The following HGS variants were observed in gnomAD, a reference collection of about 807,000 sequenced individuals.
HGS encodes hepatocyte growth factor-regulated tyrosine kinase substrate.
In HGS, 63 loss-of-function variants were observed where a neutral mutation model predicts 109.7. That is an observed-to-expected ratio of 0.57 (90% CI 0.47 to 0.71). The LOEUF is 0.71. Ranked by LOEUF, HGS falls within the 30% of genes least tolerant of loss-of-function variation. The pLI, the probability that HGS is intolerant of heterozygous loss-of-function variation, is 0.00. For synonymous variants in HGS, 546 were observed against 437.3 expected (o/e 1.25, Z -3.10); for missense variants, 995 against 1,068.3 (o/e 0.93, Z 0.96).
At chr17:81,693,472 T>TG in intron 8 of HGS, 31 bp from the exon 9 acceptor site, 1 of 1,570,696 alleles carries the variant, frequency 6.4e-7, no homozygotes, top group Non-Finnish European at 8.8e-7. Flanking sequence ...TGTCAGCGCA[T>TG]GGTGACCTGC....
intron 1 of HGS, 47 bp downstream of exon 1, chr17:81,684,150 T>C (rs2036930310): frequency 1.4e-6 from 2 of 1,380,298 alleles, no homozygotes; most frequent in Non-Finnish European, 1.9e-6. Context: ...GCCCGCAGCC[T>C]CCGCCCGGCG....
chr17:81,684,833 G>A, intron 1 of HGS: 5 of 912,246 alleles, frequency 5.5e-6, no homozygotes, highest in Non-Finnish European at 5.2e-6. Context: ...GAGACTTCAA[G>A]TGAGACACCT....
At chr17:81,684,138 C>T (rs758581228) in intron 1 of HGS, 35 bp downstream of exon 1, 2 of 1,497,092 alleles carry the variant, frequency 1.3e-6, no homozygotes, top group South Asian at 1.3e-5. Flanking sequence ...CGGCCTTGGT[C>T]AGCCCGCAGC....
Position 81,702,035 on chromosome 17 carries a change from T to C in HGS, c.*417T>C, listed in dbSNP as rs1036388721. 1.7e-5 allele frequency: 3 copies of C among 171,880 alleles called. No homozygotes were observed. The highest frequency in any genetic ancestry group is 3.7e-5 in the Non-Finnish European group (3 of 81,476). 10.6% of individuals were successfully genotyped at this position (171,880 alleles called of 1,614,324 possible). On this transcript the variant is annotated 3_prime_UTR_variant, in exon 22 of 22. Transcript: ENST00000329138. ...GGCAGCCACAGCCAAGGGTGGAGGC[T>C]TCAGGTCTCCAGCTTCTCTGCTTCT...
intron 5 of HGS, among the ~76,000 whole-genome samples, chr17:81,689,344 C>G (rs961583941): frequency 1.1e-4 from 17 of 152,210 alleles, no homozygotes; most frequent in Non-Finnish European, 2.2e-4. Flanking sequence ...TTGCTGTCAG[C>G]GCAGCAGGAG....
rs1192204931 is a variant in HGS at position 81,696,703 on chromosome 17, C to T, written c.1663C>T (p.Gln555Ter). 1 of 1,610,548 alleles carries T rather than the reference C, an allele frequency of 6.2e-7. No individual in the cohort carries two copies. The highest frequency in any genetic ancestry group is 1.3e-5 in the African/African-American group (1 of 74,922). The change falls in exon 17 of 22, where the codon CAG becomes TAG. Residue 555 changes from glutamine (Q) to a stop codon, truncating the protein, a stop_gained. Coordinates refer to ENST00000329138, the MANE Select transcript of HGS (RefSeq NM_004712.5). LOFTEE classifies it high-confidence loss of function. The stretch of plus-strand genomic sequence containing the variant: ...GCTGGAGCAGCAGAAGCAGACGGTC[C>T]AGATGCGCGCGCAGATGCCCGCCTT... ...MRLEQQKQTV[Q>*]MRAQMPAFPL...
intron 2 of HGS, 131 bp downstream of exon 2, chr17:81,685,820 A>G: frequency 4.9e-6 from 3 of 611,342 alleles, no homozygotes; most frequent in Non-Finnish European, 5.6e-6. Flanking sequence ...TGCATGGGCT[A>G]CATGCTAGGA....
chr17:81,684,303 G>A (rs930307877), intron 1 of HGS, 200 bp downstream of exon 1: 3 of 407,136 alleles, frequency 7.4e-6, no homozygotes, highest in Admixed American at 4.6e-5. Flanking sequence ...GTCGGGCGTT[G>A]GCAAATGGGG....
chr17:81,684,607 T>G (rs1265988670), intron 1 of HGS, among the ~76,000 whole-genome samples: 1 of 152,162 alleles, frequency 6.6e-6, no homozygotes, highest in African/African-American at 2.4e-5. Context: ...CTTCGGGAAG[T>G]GCCTAATGGT....
chr17:81,701,833 A>C lies in HGS; in HGVS notation c.*215A>C, dbSNP rs974582363. 1.1e-5 allele frequency: 7 copies of C among 634,748 alleles called. No homozygotes were observed. Among genetic ancestry groups the C allele is most frequent in the Non-Finnish European group, 1.7e-5 (7 of 409,058 alleles). The allele number at this position is 634,748 out of a possible 1,614,324, so 39.3% of individuals were successfully genotyped here. A position where few individuals can be genotyped will look rare whatever the true frequency, so the allele number is the denominator to read the frequency against. Reference sequence around the variant, plus strand: ...TGCTTTCTTTCCCCAGGGCTGGGCCATGGGGAGGGAAGGACTTTCTCCCAG... The same window carrying C: ...TGCTTTCTTTCCCCAGGGCTGGGCCCTGGGGAGGGAAGGACTTTCTCCCAG... On this transcript the variant is annotated 3_prime_UTR_variant, in exon 22 of 22. Coordinates refer to ENST00000329138, the MANE Select transcript of HGS (RefSeq NM_004712.5).
chr17:81,696,445 G>T lies in HGS; in HGVS notation c.1482G>T (p.Lys494Asn). ...CCCTGCGCGAAGAGCACCGGGAGAA[G>T]CTTCGCCGGGCAGCCGAGGAGGCAG... is the stretch of plus-strand genomic sequence containing the variant. ...LSALREEHRE[K>N]LRRAAEEAER... The change falls in exon 16 of 22, where the codon AAG (lysine) becomes AAT (asparagine). Residue 494 changes from lysine (K) to asparagine (N), a missense_variant. By Grantham distance (94) the Lys-to-Asn change is moderately conservative. Around this residue, in one of 6 missense-constraint regions of HGS, gnomAD observed 163 missense variants for 217.8 expected, o/e 0.75. Coordinates refer to ENST00000329138, the MANE Select transcript of HGS (RefSeq NM_004712.5). The T allele has an allele frequency of 6.4e-7, 1 of 1,551,692 alleles. No individual in the cohort carries two copies. The highest frequency in any genetic ancestry group is 8.7e-7 in the Non-Finnish European group (1 of 1,151,452).
At chr17:81,696,168 C>A (rs1369586102) in intron 15 of HGS, 169 bp downstream of exon 15, 4 of 437,652 alleles carry the variant, frequency 9.1e-6, no homozygotes, top group Non-Finnish European at 1.1e-5. Flanking sequence ...TGACCATGCC[C>A]TGCCCTGCCC....
At chr17:81,692,764 C>G (rs1409109951) in intron 8 of HGS, 1 of 152,066 alleles carries the variant, frequency 6.6e-6, no homozygotes, top group Non-Finnish European at 1.5e-5. Context: ...GGGCAGATCA[C>G]GAGGCCAAGA....
intron 18 of HGS, chr17:81,697,854 CTTTAT>C (rs2037178862): frequency 6.6e-6 from 1 of 152,130 alleles, no homozygotes; most frequent in South Asian, 2.1e-4. Context: ...TGTCATCACT[CTTTAT>C]TTTTAGAGTC....
At position 81,693,174 on chromosome 17, in the gene HGS, C is replaced by T. The variant is rs77963623; in HGVS notation, c.663-329C>T. On this transcript the variant is annotated intron_variant, in intron 8 of 21. Transcript: ENST00000329138. ...TGTTTGCCCCTTCTTGGGTGGGGCC[C>T]GTCCCACAGTGGCGGTGCTGTGTTT... Among the ~76,000 whole-genome samples the T allele has an allele frequency of 3.8e-3, 575 of 152,330 alleles. 3 individuals carry two copies. Among genetic ancestry groups the T allele is most frequent in the African/African-American group, 0.013 (551 of 41,572 alleles).
At chr17:81,699,833 G>A (rs896059987) in intron 18 of HGS, among the ~76,000 whole-genome samples, 3 of 152,062 alleles carry the variant, frequency 2.0e-5, no homozygotes, top group Admixed American at 1.3e-4. Context: ...CCAGCACTTC[G>A]GGAGGCCGAG....
At chr17:81,687,949 G>A (rs1004695997) in intron 4 of HGS, among the ~76,000 whole-genome samples, 4 of 152,212 alleles carry the variant, frequency 2.6e-5, no homozygotes, top group Non-Finnish European at 5.9e-5. Flanking sequence ...GCCGGAGTCT[G>A]GCCCTGCCCG....
chr17:81,694,633 T>A (rs541480259), intron 11 of HGS, among the ~76,000 whole-genome samples, 182 bp from the exon 12 acceptor site: 1 of 152,258 alleles, frequency 6.6e-6, no homozygotes, highest in Non-Finnish European at 1.5e-5. Flanking sequence ...TCTGTGGAGT[T>A]CTAAGCATCT....
chr17:81,684,666 T>A (rs541117138), intron 1 of HGS, among the ~76,000 whole-genome samples: 1 of 152,320 alleles, frequency 6.6e-6, no homozygotes, highest in African/African-American at 2.4e-5. Flanking sequence ...TGATCCTATC[T>A]GAGCCTCCTG....
Sources: gnomAD v4.1 joint callset for allele counts (sites outside exome capture counted in the v4.1 genomes callset) on GRCh38, gnomAD v4.1.1 for gene constraint, gnomAD v4.1.1 regional missense constraint, MANE v1.5 for transcripts, NCBI Gene and HGNC (gene_info 2026-07-23, HGNC 2026-07-21) for gene names.